Variants in GALNT17 observed in about 807,000 individuals in gnomAD.
The protein encoded by GALNT17 is UDP-GalNAc:polypeptide N-acetylgalactosaminyltransferase-like 3.
GALNT17 carries 29 observed loss-of-function variants against 63.7 expected under a neutral mutation model. The observed-to-expected ratio is 0.46, with a 90% confidence interval of 0.34 to 0.62. GALNT17 has a LOEUF of 0.62. GALNT17 is among the 20% of genes least tolerant of loss of function. GALNT17 has a pLI of 0.01. For synonymous variants in GALNT17, 305 were observed against 318.3 expected (o/e 0.96, Z 0.45); for missense variants, 603 against 799.6 (o/e 0.75, Z 2.97).
At chr7:71,150,021 T>G (rs1269370777) in intron 1 of GALNT17, among the ~76,000 whole-genome samples, 1 of 152,108 alleles carries the variant, frequency 6.6e-6, no homozygotes, top group Non-Finnish European at 1.5e-5. Context: ...TGTGTGTCAT[T>G]GCTTAGGCAC....
intron 1 of GALNT17, among the ~76,000 whole-genome samples, chr7:71,321,158 G>A (rs1248198172): frequency 6.6e-6 from 1 of 152,150 alleles, no homozygotes; most frequent in Non-Finnish European, 1.5e-5. Context: ...GGCAGGGAGA[G>A]TGCTTATTCA....
At chr7:71,640,024 A>G (rs1790582040) in intron 6 of GALNT17, among the ~76,000 whole-genome samples, 2 of 152,324 alleles carry the variant, frequency 1.3e-5, no homozygotes, top group East Asian at 3.9e-4. Context: ...TGGGGAAAAA[A>G]ACAACGTTCA....
intron 1 of GALNT17, among the ~76,000 whole-genome samples, chr7:71,243,680 C>T (rs967183773): frequency 6.6e-6 from 1 of 152,162 alleles, no homozygotes; most frequent in Admixed American, 6.6e-5. Flanking sequence ...GCTGGGACTA[C>T]AGGTGGGTGC....
chr7:71,412,404 T>C (rs891341910), intron 3 of GALNT17, among the ~76,000 whole-genome samples: 1 of 151,388 alleles, frequency 6.6e-6, no homozygotes, highest in Admixed American at 6.6e-5. Context: ...GGAGTCTCGC[T>C]CTGTTGCTGA....
At chr7:71,505,295 C>T (rs1206838252) in intron 5 of GALNT17, among the ~76,000 whole-genome samples, 1 of 152,080 alleles carries the variant, frequency 6.6e-6, no homozygotes, top group African/African-American at 2.4e-5. Flanking sequence ...ACTTCTCATC[C>T]CTCAGAAGTC....
chr7:71,177,689 A>C (rs1354097103), intron 1 of GALNT17, among the ~76,000 whole-genome samples: 1 of 152,170 alleles, frequency 6.6e-6, no homozygotes, highest in Non-Finnish European at 1.5e-5. Context: ...GGGACATGAC[A>C]GAGTTGTTTT....
At chr7:71,454,727 G>A (rs1563105233) in intron 5 of GALNT17, among the ~76,000 whole-genome samples, 10 of 152,144 alleles carry the variant, frequency 6.6e-5, no homozygotes. Flanking sequence ...CTCTTCATGA[G>A]TTGCATGTAC....
At chr7:71,345,591 G>A (rs563590403) in intron 2 of GALNT17, among the ~76,000 whole-genome samples, 13 of 152,156 alleles carry the variant, frequency 8.5e-5, no homozygotes, top group Non-Finnish European at 8.8e-5. Context: ...TGGAGGTCAG[G>A]AATGATGTCT....
chr7:71,314,245 G>A (rs903286048), intron 1 of GALNT17, among the ~76,000 whole-genome samples: 2 of 152,102 alleles, frequency 1.3e-5, no homozygotes, highest in African/African-American at 4.8e-5. Flanking sequence ...GTGTGTGTGT[G>A]AGTGTGTGTC....
At chr7:71,183,968 G>A (rs1425340804) in intron 1 of GALNT17, among the ~76,000 whole-genome samples, 5 of 151,992 alleles carry the variant, frequency 3.3e-5, no homozygotes, top group Admixed American at 6.6e-5. Flanking sequence ...GTTACAGACC[G>A]AATTGTCTCC....
intron 2 of GALNT17, among the ~76,000 whole-genome samples, chr7:71,343,743 T>G (rs965537170): frequency 1.3e-5 from 2 of 152,238 alleles, no homozygotes; most frequent in Admixed American, 1.3e-4. Flanking sequence ...GGTTCAAGTT[T>G]GCATCTTTTG....
chr7:71,244,087 T>C (rs1251808496), intron 1 of GALNT17, among the ~76,000 whole-genome samples: 5 of 152,216 alleles, frequency 3.3e-5, no homozygotes, highest in South Asian at 2.1e-4. Flanking sequence ...TAGAGCAGTT[T>C]AGCAGTTAAG....
At chr7:71,516,386 G>A (rs529753148) in intron 5 of GALNT17, among the ~76,000 whole-genome samples, 55 of 152,186 alleles carry the variant, frequency 3.6e-4, no homozygotes, top group African/African-American at 8.7e-4. Context: ...ACACTTTTTC[G>A]GAGGAGTGAT....
chr7:71,263,663 C>T (rs1342656045), intron 1 of GALNT17, among the ~76,000 whole-genome samples: 2 of 152,068 alleles, frequency 1.3e-5, no homozygotes, highest in Non-Finnish European at 2.9e-5. Flanking sequence ...GTGGCTCATG[C>T]CTGTAATCCC....
chr7:71,693,305 C>T (rs190967086), intron 9 of GALNT17, among the ~76,000 whole-genome samples: 89,496 of 125,764 alleles, frequency 0.71, 32,508 homozygotes, highest in Admixed American at 0.79. Flanking sequence ...CACACACACA[C>T]ACACATATAT....
chr7:71,145,794 C>T (rs1788011875), intron 1 of GALNT17, among the ~76,000 whole-genome samples: 3 of 152,160 alleles, frequency 2.0e-5, no homozygotes, highest in Admixed American at 2.0e-4. Flanking sequence ...TAACCTTCAC[C>T]TCCTGGGTTC....
rs118178159 is a variant in GALNT17, at chr7:71,158,897, C to T, written c.238+25857C>T. 6.8e-3 allele frequency among the ~76,000 whole-genome samples: 1,026 copies of T among 151,890 alleles called. 37 individuals carry two copies. Among genetic ancestry groups the T allele is most frequent in the Admixed American group, 0.048 (727 of 15,268 alleles). On this transcript the variant is annotated intron_variant, in intron 1 of 10. Coordinates refer to ENST00000333538, the MANE Select transcript of GALNT17 (RefSeq NM_022479.3). Reference sequence around the variant, plus strand: ...GCAATTTTTGTATTTTTAGTAGAGACGTGAAATGTTTCTTTGGTAAACTGG... The same window carrying T: ...GCAATTTTTGTATTTTTAGTAGAGATGTGAAATGTTTCTTTGGTAAACTGG...
At chr7:71,198,120 C>T (rs1789091574) in intron 1 of GALNT17, among the ~76,000 whole-genome samples, 1 of 151,090 alleles carries the variant, frequency 6.6e-6, no homozygotes, top group African/African-American at 2.4e-5. Context: ...ATCGCTTGAA[C>T]CCAGGAGGCG....
intron 5 of GALNT17, among the ~76,000 whole-genome samples, chr7:71,519,129 T>C (rs181068578): frequency 3.0e-4 from 45 of 152,108 alleles, no homozygotes; most frequent in African/African-American, 1.0e-3. Flanking sequence ...TCAGGGACTG[T>C]GACAAGGAGA....
Sources: gnomAD v4.1 joint callset for allele counts (sites outside exome capture counted in the v4.1 genomes callset) on GRCh38, gnomAD v4.1.1 for gene constraint, MANE v1.5 for transcripts, NCBI Gene and HGNC (gene_info 2026-07-23, HGNC 2026-07-21) for gene names.